Variants in PIKFYVE observed in about 807,000 individuals in gnomAD.
PIKFYVE encodes the protein 1-phosphatidylinositol 3-phosphate 5-kinase.
Under a neutral mutation model 257.9 loss-of-function variants are expected in PIKFYVE, and 122 were observed. That is an observed-to-expected ratio of 0.47 (90% CI 0.41 to 0.55). The LOEUF is 0.55. Among genes scored for constraint, PIKFYVE ranks in the 20% least tolerant of loss-of-function variants. The pLI, the probability that PIKFYVE is intolerant of heterozygous loss-of-function variation, is 0.00. For missense variants in PIKFYVE, 2,160 were observed against 2,536.6 expected (o/e 0.85, Z 3.19); for synonymous variants, 892 against 868.9 (o/e 1.03, Z -0.47).
At chr2:208,315,825 A>T (rs1173972237) in intron 15 of PIKFYVE, among the ~76,000 whole-genome samples, 3 of 126,938 alleles carry the variant, frequency 2.4e-5, no homozygotes, top group Non-Finnish European at 5.0e-5. Flanking sequence ...TTAAAACATT[A>T]TGACATTTTT....
In PIKFYVE at chr2:208,296,035, C is replaced by T. The variant is rs1263644524; in HGVS notation, c.912-2606C>T. ...GACATTTTTTTTTTTTAGACAGTCT[C>T]GCTTTGTTGCCCAGGCTGGAGTGCA... On this transcript the variant is annotated intron_variant, in intron 7 of 41. Transcript: ENST00000264380. Among the ~76,000 whole-genome samples, 9 of 151,642 alleles carry T rather than the reference C, an allele frequency of 5.9e-5. No individual in the cohort carries two copies. In the South Asian group the frequency reaches 6.2e-4, roughly 10 times the overall value.
At chr2:208,337,815 G>A (rs1236766200) in intron 28 of PIKFYVE, among the ~76,000 whole-genome samples, 5 of 152,028 alleles carry the variant, frequency 3.3e-5, no homozygotes, top group Admixed American at 3.3e-4. Flanking sequence ...TCTGCCTTCC[G>A]AGTTCAAGCA....
intron 12 of PIKFYVE, among the ~76,000 whole-genome samples, chr2:208,307,844 G>A (rs1694509559): frequency 6.6e-6 from 1 of 150,858 alleles, no homozygotes. Context: ...TAATTTTGTA[G>A]ACAAAGAGGA....
At chr2:208,342,469 A>G (rs988763351) in intron 31 of PIKFYVE, 85 bp from the exon 32 acceptor site, 5 of 966,226 alleles carry the variant, frequency 5.2e-6, no homozygotes, top group South Asian at 1.4e-5. Flanking sequence ...TCAGGTTATC[A>G]TATCTGCATA....
chr2:208,333,420 G>C lies in PIKFYVE; in HGVS notation c.4069G>C (p.Glu1357Gln). The C allele has an allele frequency of 6.2e-7, 1 of 1,613,980 alleles. No homozygotes were observed. Among genetic ancestry groups the C allele is most frequent in the Non-Finnish European group, 8.5e-7 (1 of 1,179,976 alleles). ...CCAGTATACTCGCAGAGCCAACGCT[G>C]AGCCCTGTGGTCACTCCATCCATCA... is the stretch of plus-strand genomic sequence containing the variant. ...GHQYTRRANA[E>Q]PCGHSIHHDY... Residue 1357 changes from glutamate to glutamine, a missense_variant, in exon 24 of 42, where the codon GAG (glutamate) becomes CAG (glutamine). By Grantham distance (29) the Glu-to-Gln change is conservative. Coordinates refer to ENST00000264380, the MANE Select transcript of PIKFYVE (RefSeq NM_015040.4).
At position 208,285,919 on chromosome 2, in the gene PIKFYVE, T is replaced by A. The variant is rs1691511907; in HGVS notation, c.807T>A (p.Asp269Glu). 6.2e-7 allele frequency: 1 copy of A among 1,613,952 alleles called. No homozygotes were observed. The highest frequency in any genetic ancestry group is 8.5e-7 in the Non-Finnish European group (1 of 1,179,970). Residue 269 changes from aspartate (D) to glutamate (E), a missense_variant, in exon 6 of 42, where the codon GAT becomes GAA. This residue lies in a region of PIKFYVE where 187 missense variants were observed against 185.6 expected (regional missense o/e 1.01). Coordinates refer to ENST00000264380, the MANE Select transcript of PIKFYVE (RefSeq NM_015040.4). ...GCCGTAACATATTTTTAGAGGATGA[T>A]TTGGCCTGGCAAAGGTATTGTCCCT... ...KASRNIFLEDDLAWQSLIHPD... is the reference protein window; with the variant it reads ...KASRNIFLEDELAWQSLIHPD...
At position 208,325,805 on chromosome 2, in the gene PIKFYVE, T is replaced by C. The variant is rs1345039678; in HGVS notation, c.2994T>C (p.Thr998=). 6.2e-7 allele frequency: 1 copy of C among 1,613,978 alleles called. No individual in the cohort carries two copies. Among genetic ancestry groups the C allele is most frequent in the South Asian group, 1.1e-5 (1 of 91,062 alleles). Reference sequence around the variant, plus strand: ...CTTTAGGCAGCGAGCAGCCAGAGACTTTGCAGCAAACAGTTGTGCTGCAGG... The same window carrying C: ...CTTTAGGCAGCGAGCAGCCAGAGACCTTGCAGCAAACAGTTGTGCTGCAGG... ...QDALGSEQPE[T]LQQTVVLQDP... is the part of the protein sequence containing the mutation. The change falls in exon 20 of 42, where the codon ACT becomes ACC. Residue 998 remains threonine (T), a synonymous_variant. Transcript: ENST00000264380.
chr2:208,332,741 GTATGTATA>G (rs1442530361), intron 23 of PIKFYVE, among the ~76,000 whole-genome samples: 1 of 151,946 alleles, frequency 6.6e-6, no homozygotes, highest in Non-Finnish European at 1.5e-5. Flanking sequence ...GTCCATGTAT[GTATGTATA>G]TATGTATATG....
chr2:208,350,061 C>T lies in PIKFYVE; in HGVS notation c.5412C>T (p.Leu1804=), dbSNP rs775852231. 1 of 1,612,116 alleles carries T rather than the reference C, an allele frequency of 6.2e-7. No individual in the cohort carries two copies. The highest frequency in any genetic ancestry group is 8.5e-7 in the Non-Finnish European group (1 of 1,178,784). ...VDGGDTQKKQ[L]INPHVELQFS... is the part of the protein sequence containing the mutation. ...GAGGAGATACACAAAAGAAGCAACT[C>T]ATAAATCCTCATGTGGAACTTCGTA... is the stretch of plus-strand genomic sequence containing the variant. Residue 1804 remains leucine, a synonymous_variant, in exon 36 of 42, where the codon CTC becomes CTT. Transcript: ENST00000264380.
intron 36 of PIKFYVE, 87 bp downstream of exon 36, chr2:208,350,170 A>G (rs1699645336): frequency 6.4e-7 from 1 of 1,550,392 alleles, no homozygotes; most frequent in Admixed American, 1.9e-5. Flanking sequence ...GCTTCATACT[A>G]AATAAATGTC....
intron 22 of PIKFYVE, 111 bp from the exon 23 acceptor site, chr2:208,330,412 G>C: frequency 1.5e-6 from 2 of 1,298,680 alleles, no homozygotes; most frequent in Middle Eastern, 3.7e-4. Context: ...TGCAGGCTCA[G>C]AGCAGCATGA....
intron 8 of PIKFYVE, 66 bp downstream of exon 8, chr2:208,298,845 C>A: frequency 1.3e-6 from 2 of 1,506,100 alleles, no homozygotes; most frequent in Non-Finnish European, 1.8e-6. Context: ...GTGACTGAGT[C>A]TTTTTTTTTC....
intron 17 of PIKFYVE, among the ~76,000 whole-genome samples, chr2:208,321,570 C>CTTTTCTTTTCTT (rs1559120628): frequency 9.4e-5 from 1 of 10,594 alleles, no homozygotes; most frequent in African/African-American, 1.3e-4. Context: ...TTTTTCTTTT[C>CTTTTCTTTTCTT]TTTTGTTTTT....
chr2:208,290,701 C>T (rs992477195), intron 7 of PIKFYVE, among the ~76,000 whole-genome samples: 3 of 152,094 alleles, frequency 2.0e-5, no homozygotes, highest in South Asian at 2.1e-4. Context: ...AGACTTTTTT[C>T]CAAAGTGGTT....
In PIKFYVE at chr2:208,350,964, G is replaced by A. The variant is rs376083152; in HGVS notation, c.5611+17G>A. On this transcript the variant is annotated intron_variant, in intron 37 of 41. Transcript: ENST00000264380. ...CAACTGAGGGTGAGCCTTTCTCATC[G>A]TTTATTGATTGGTTCAGTAGTCTTC... 8.1e-6 allele frequency: 13 copies of A among 1,613,874 alleles called. No homozygotes were observed. The African/African-American group carries it at 1.1e-4, about 13-fold the overall frequency.
At position 208,315,908 on chromosome 2, in the gene PIKFYVE, GT is replaced by G. The variant is rs545481428; in HGVS notation, c.2007+536del. On this transcript the variant is annotated intron_variant, in intron 15 of 41. Transcript: ENST00000264380. The stretch of plus-strand genomic sequence containing the variant: ...TTATTATTATACTTTAAGTTTTAGG[GT>G]ACATGTGCACAATGTGCGGGTTAGT... Among the ~76,000 whole-genome samples, 119 of 149,988 alleles carry G rather than the reference GT, an allele frequency of 7.9e-4. 4 individuals carry two copies. The East Asian group carries it at 0.02, about 25-fold the overall frequency.
rs1267380810 is a variant in PIKFYVE, at chr2:208,276,827, C to T, written c.438C>T (p.Ser146=). ...TCAAGGAAATCATGGAGGGGAAAAG[C>T]CAGGTACTGTCTAGAGGCTTTGGAA... ...KRLKEIMEGK[S]QDSDLKQYWM... Residue 146 remains serine, a synonymous_variant, in exon 4 of 42, where the codon AGC becomes AGT. Transcript: ENST00000264380. 1.2e-6 allele frequency: 2 copies of T among 1,609,610 alleles called. No individual in the cohort carries two copies. The highest frequency in any genetic ancestry group is 1.7e-6 in the Non-Finnish European group (2 of 1,176,014).
At chr2:208,276,634 T>G in intron 3 of PIKFYVE, 78 bp from the exon 4 acceptor site, 1 of 1,017,690 alleles carries the variant, frequency 9.8e-7, no homozygotes, top group South Asian at 1.3e-5. Flanking sequence ...AAGAGGCAGT[T>G]TCCATCACAT....
chr2:208,330,971 T>C (rs1044625518), intron 23 of PIKFYVE, among the ~76,000 whole-genome samples: 2 of 152,184 alleles, frequency 1.3e-5, no homozygotes, highest in Admixed American at 1.3e-4. Context: ...TCAATTTTGT[T>C]TATTCATTCA....
Sources: allele counts gnomAD v4.1 joint callset (sites outside exome capture counted in the v4.1 genomes callset), GRCh38; gene constraint gnomAD v4.1.1; regional missense constraint gnomAD v4.1.1; transcripts MANE v1.5; gene names NCBI Gene and HGNC (gene_info 2026-07-23, HGNC 2026-07-21).